The following MAPKAP1 variants were observed in gnomAD, a reference collection of about 807,000 sequenced individuals.
The protein encoded by MAPKAP1 is MAPK associated protein 1, also known as target of rapamycin complex 2 subunit MAPKAP1.
A neutral mutation model predicts 65.7 loss-of-function variants in MAPKAP1; 20 were observed. The ratio of observed to expected loss-of-function variants is 0.30; its 90% CI spans 0.21 to 0.44. The LOEUF (loss-of-function observed/expected upper bound fraction) is 0.44. Among genes scored for constraint, MAPKAP1 ranks in the 20% least tolerant of loss-of-function variants. MAPKAP1 has a pLI of 1.00. For missense variants in MAPKAP1, 423 were observed against 648.0 expected (o/e 0.65, Z 3.77); for synonymous variants, 222 against 244.3 (o/e 0.91, Z 0.85).
intron 3 of MAPKAP1, among the ~76,000 whole-genome samples, chr9:125,669,532 A>AT (rs904614104): frequency 3.6e-4 from 55 of 152,256 alleles, no homozygotes; most frequent in Non-Finnish European, 7.1e-4. Context: ...CTTGGCCTAT[A>AT]TTTTTTTAAA....
rs567058507 is a variant in MAPKAP1 at position 125,485,110 on chromosome 9, G to A, written c.1067-527C>T. On this transcript the variant is annotated intron_variant, in intron 8 of 11. Coordinates refer to ENST00000265960, the MANE Select transcript of MAPKAP1 (RefSeq NM_001006617.3). ...CATTGGTACTGATATTCCCATTCAC[G>A]CAGGATAGAATTGAGGCTCAGAAAG... Among the ~76,000 whole-genome samples the A allele has an allele frequency of 3.3e-5, 5 of 152,174 alleles. No individual in the cohort carries two copies. In the East Asian group the frequency reaches 7.7e-4, roughly 24 times the overall value.
chr9:125,636,798 GC>G (rs1184276979), intron 4 of MAPKAP1, among the ~76,000 whole-genome samples: 2 of 152,208 alleles, frequency 1.3e-5, no homozygotes, highest in Admixed American at 1.3e-4. Context: ...TCCAAGAGAA[GC>G]TAACTTCTTA....
intron 8 of MAPKAP1, among the ~76,000 whole-genome samples, chr9:125,500,744 A>G (rs553438808): frequency 7.7e-4 from 118 of 152,342 alleles, no homozygotes; most frequent in Admixed American, 1.9e-3. Flanking sequence ...TTTTACATGT[A>G]TAAGTATTAC....
intron 10 of MAPKAP1, among the ~76,000 whole-genome samples, chr9:125,456,990 A>T (rs1301721351): frequency 7.0e-5 from 10 of 143,568 alleles, no homozygotes; most frequent in Non-Finnish European, 1.1e-4. Flanking sequence ...CATTTAGTGA[A>T]TTTTTTTTTT....
Position 125,533,680 on chromosome 9 carries a change from C to T in MAPKAP1, c.958+9379G>A, listed in dbSNP as rs181987661. Among the ~76,000 whole-genome samples the T allele has an allele frequency of 2.2e-4, 34 of 152,196 alleles. 1 individual carries two copies. The highest frequency in any genetic ancestry group is 3.4e-3 in the Middle Eastern group (1 of 294). ...TGGCCAGGCTGGTCTCAAACTCGAC[C>T]TCAGGTGATCCGTCTGCCTTAGCCT... On this transcript the variant is annotated intron_variant, in intron 7 of 11. Coordinates refer to ENST00000265960, the MANE Select transcript of MAPKAP1 (RefSeq NM_001006617.3).
intron 4 of MAPKAP1, among the ~76,000 whole-genome samples, chr9:125,625,339 C>G (rs1178346735): frequency 6.7e-6 from 1 of 148,332 alleles, no homozygotes; most frequent in Non-Finnish European, 1.5e-5. Flanking sequence ...ACTGTCATTT[C>G]TAATTCACTC....
intron 4 of MAPKAP1, among the ~76,000 whole-genome samples, chr9:125,622,859 C>T (rs1269188301): frequency 3.3e-5 from 5 of 152,268 alleles, no homozygotes; most frequent in East Asian, 1.9e-4. Flanking sequence ...CATGCGGAGC[C>T]GAAGCTGGAC....
chr9:125,471,219 C>CG (rs940447793), intron 9 of MAPKAP1: 2 of 152,364 alleles, frequency 1.3e-5, no homozygotes, highest in Admixed American at 6.5e-5. Flanking sequence ...TGAGCACCCC[C>CG]GGGAAGAGTG....
At chr9:125,545,405 T>C (rs1479683377) in intron 6 of MAPKAP1, among the ~76,000 whole-genome samples, 1 of 152,198 alleles carries the variant, frequency 6.6e-6, no homozygotes, top group Non-Finnish European at 1.5e-5. Flanking sequence ...TTGCCTTCCC[T>C]TGCTTTCTCC....
intron 1 of MAPKAP1, among the ~76,000 whole-genome samples, chr9:125,677,001 G>A (rs1280009989): frequency 1.3e-5 from 2 of 152,108 alleles, no homozygotes; most frequent in Non-Finnish European, 2.9e-5. Context: ...ATTGTTTTCT[G>A]TAGGAATACT....
chr9:125,568,211 T>C (rs541857594), intron 5 of MAPKAP1, among the ~76,000 whole-genome samples: 31 of 152,262 alleles, frequency 2.0e-4, no homozygotes, highest in African/African-American at 4.3e-4. Flanking sequence ...CCCCTCTCGG[T>C]AAAGTCCTTG....
chr9:125,654,364 G>A (rs1012576701), intron 4 of MAPKAP1, among the ~76,000 whole-genome samples: 11 of 152,192 alleles, frequency 7.2e-5, no homozygotes, highest in African/African-American at 2.7e-4. Flanking sequence ...GGCTGGTTTT[G>A]CGGATCTGAC....
intron 3 of MAPKAP1, among the ~76,000 whole-genome samples, chr9:125,659,249 T>C (rs374485779): frequency 6.6e-6 from 1 of 152,212 alleles, no homozygotes; most frequent in African/African-American, 2.4e-5. Flanking sequence ...CCTGGCACAG[T>C]CACAGTCTTC....
chr9:125,464,478 G>GA (rs1395361319), intron 10 of MAPKAP1, among the ~76,000 whole-genome samples: 21 of 152,178 alleles, frequency 1.4e-4, no homozygotes, highest in African/African-American at 5.1e-4. Context: ...CTTAAATCTA[G>GA]AAAGACAGGA....
At chr9:125,691,927 T>C (rs1457872588) in intron 1 of MAPKAP1, among the ~76,000 whole-genome samples, 1 of 152,074 alleles carries the variant, frequency 6.6e-6, no homozygotes, top group East Asian at 1.9e-4. Flanking sequence ...CAGAGAAAAA[T>C]GGATCATTTC....
At chr9:125,513,875 C>T (rs891553653) in intron 7 of MAPKAP1, among the ~76,000 whole-genome samples, 4 of 152,260 alleles carry the variant, frequency 2.6e-5, no homozygotes, top group Middle Eastern at 3.4e-3. Context: ...TTTAAACAAG[C>T]TTGCTTTTAA....
intron 10 of MAPKAP1, among the ~76,000 whole-genome samples, chr9:125,460,970 A>G (rs930892740): frequency 6.6e-6 from 1 of 152,252 alleles, no homozygotes; most frequent in African/African-American, 2.4e-5. Context: ...GCATGCCTAA[A>G]GCACAAGTCA....
chr9:125,522,917 T>A (rs1007071392), intron 7 of MAPKAP1, among the ~76,000 whole-genome samples: 1 of 152,224 alleles, frequency 6.6e-6, no homozygotes, highest in Non-Finnish European at 1.5e-5. Flanking sequence ...TCACCCAGAC[T>A]GACTCCGTCA....
chr9:125,588,497 C>T (rs1831858682), intron 4 of MAPKAP1, among the ~76,000 whole-genome samples: 1 of 152,094 alleles, frequency 6.6e-6, no homozygotes, highest in South Asian at 2.1e-4. Flanking sequence ...ATATTAAATA[C>T]CACAGAACCG....
Sources: gnomAD v4.1 joint callset for allele counts (sites outside exome capture counted in the v4.1 genomes callset) on GRCh38, gnomAD v4.1.1 for gene constraint, MANE v1.5 for transcripts, NCBI Gene and HGNC (gene_info 2026-07-23, HGNC 2026-07-21) for gene names.